Variants in SLC49A4 observed in about 807,000 individuals in gnomAD.
SLC49A4 encodes solute carrier family 49 member 4, also known as disrupted in renal cancer protein 2.
SLC49A4 carries 36 observed loss-of-function variants against 50.6 expected under a neutral mutation model. The ratio of observed to expected loss-of-function variants is 0.71; its 90% CI spans 0.55 to 0.94. The LOEUF (loss-of-function observed/expected upper bound fraction) is 0.94. Ranked by LOEUF, SLC49A4 falls within the 40% of genes least tolerant of loss-of-function variation. SLC49A4 has a pLI of 0.00. For missense variants in SLC49A4, 503 were observed against 605.7 expected (o/e 0.83, Z 1.78); for synonymous variants, 248 against 241.2 (o/e 1.03, Z -0.26).
chr3:122,838,102 T>G (rs1030652148), intron 4 of SLC49A4, among the ~76,000 whole-genome samples: 1 of 151,872 alleles, frequency 6.6e-6, no homozygotes, highest in African/African-American at 2.4e-5. Context: ...ACTTTTACAC[T>G]GTTGGTGGGA....
intron 8 of SLC49A4, among the ~76,000 whole-genome samples, chr3:122,876,942 C>T (rs1937274804): frequency 6.6e-6 from 1 of 152,124 alleles, no homozygotes; most frequent in South Asian, 2.1e-4. Context: ...AAGTATGGGG[C>T]AGACTGTAGG....
At chr3:122,821,763 T>C (rs1336561719) in intron 2 of SLC49A4, among the ~76,000 whole-genome samples, 1 of 152,238 alleles carries the variant, frequency 6.6e-6, no homozygotes, top group Non-Finnish European at 1.5e-5. Flanking sequence ...GCCTTGCTTT[T>C]AAAACACCCT....
chr3:122,798,349 C>A (rs1229662068), intron 1 of SLC49A4, among the ~76,000 whole-genome samples: 1 of 152,118 alleles, frequency 6.6e-6, no homozygotes, highest in East Asian at 1.9e-4. Flanking sequence ...TACCTACTAT[C>A]CATGGCAGGA....
At chr3:122,878,641 T>C (rs1023688465) in intron 8 of SLC49A4, among the ~76,000 whole-genome samples, 1 of 152,232 alleles carries the variant, frequency 6.6e-6, no homozygotes, top group Non-Finnish European at 1.5e-5. Flanking sequence ...TGGCATCATA[T>C]ATAACCATTC....
chr3:122,818,006 T>C lies in SLC49A4; in HGVS notation c.438-8794T>C, dbSNP rs1160063801. On this transcript the variant is annotated intron_variant, in intron 2 of 8. Transcript: ENST00000261038. ...CCTCCTGAAAAACAGTTTGCGAGTATATTTCCTAAGATCTAGAGTGTTCAC... is the reference window on the plus strand; with the variant it reads ...CCTCCTGAAAAACAGTTTGCGAGTACATTTCCTAAGATCTAGAGTGTTCAC... Among the ~76,000 whole-genome samples the C allele has an allele frequency of 2.6e-5, 4 of 152,240 alleles. No individual in the cohort carries two copies. The East Asian group carries it at 5.8e-4, about 22-fold the overall frequency.
intron 2 of SLC49A4, among the ~76,000 whole-genome samples, chr3:122,819,243 C>CAAA (rs777101254): frequency 2.4e-4 from 24 of 100,504 alleles, no homozygotes; most frequent in South Asian, 6.9e-4. Flanking sequence ...GACCCTGCCT[C>CAAA]AAAAAAAAAA....
intron 3 of SLC49A4, among the ~76,000 whole-genome samples, chr3:122,832,067 G>A (rs1224969540): frequency 6.6e-6 from 1 of 151,982 alleles, no homozygotes; most frequent in East Asian, 1.9e-4. Flanking sequence ...AATTATCTGT[G>A]GTTAATTGTC....
chr3:122,807,439 T>G (rs1576291193), intron 2 of SLC49A4, among the ~76,000 whole-genome samples: 1 of 152,070 alleles, frequency 6.6e-6, no homozygotes, highest in Non-Finnish European at 1.5e-5. Flanking sequence ...TGGAGGCAGG[T>G]AAGCATAGGC....
intron 4 of SLC49A4, among the ~76,000 whole-genome samples, chr3:122,833,955 A>G (rs1260687433): frequency 6.6e-6 from 1 of 152,162 alleles, no homozygotes; most frequent in Non-Finnish European, 1.5e-5. Context: ...ACTTTAAGAA[A>G]CCAAATATAT....
chr3:122,837,648 T>C (rs975069765), intron 4 of SLC49A4, among the ~76,000 whole-genome samples: 2 of 152,192 alleles, frequency 1.3e-5, no homozygotes, highest in African/African-American at 4.8e-5. Context: ...GACATAGGCA[T>C]GGGCAAGGAC....
intron 7 of SLC49A4, among the ~76,000 whole-genome samples, chr3:122,867,159 A>C (rs533774571): frequency 6.6e-6 from 1 of 152,182 alleles, no homozygotes; most frequent in Non-Finnish European, 1.5e-5. Flanking sequence ...AATGTGATTA[A>C]AATTCATCTT....
At chr3:122,851,104 T>C (rs374227849) in intron 5 of SLC49A4, among the ~76,000 whole-genome samples, 14 of 152,348 alleles carry the variant, frequency 9.2e-5, no homozygotes, top group African/African-American at 3.4e-4. Flanking sequence ...TTTAACTTCA[T>C]TTAACCCTCT....
chr3:122,833,426 A>G lies in SLC49A4; in HGVS notation c.813A>G (p.Arg271=), dbSNP rs1936634595. The G allele has an allele frequency of 6.2e-7, 1 of 1,613,318 alleles. No individual in the cohort carries two copies. ...AAASQRLSYR[R]SVCRLLSNFR... is the part of the protein sequence containing the mutation. ...CTAGCCAGCGGCTGAGTTATCGGAGAAGCGTTTGTAGATTATTAAGGTAAA... is the reference window on the plus strand; with the variant it reads ...CTAGCCAGCGGCTGAGTTATCGGAGGAGCGTTTGTAGATTATTAAGGTAAA... Residue 271 remains arginine, a synonymous_variant, in exon 4 of 9, where the codon AGA becomes AGG. Coordinates refer to ENST00000261038, the MANE Select transcript of SLC49A4 (RefSeq NM_032839.3).
intron 7 of SLC49A4, among the ~76,000 whole-genome samples, chr3:122,866,712 C>A (rs1053261992): frequency 1.3e-5 from 2 of 152,120 alleles, no homozygotes; most frequent in African/African-American, 2.4e-5. Context: ...ACCATCCCCC[C>A]CTGCCCCCGA....
chr3:122,862,176 TA>T (rs967672474), intron 7 of SLC49A4, among the ~76,000 whole-genome samples: 4 of 152,238 alleles, frequency 2.6e-5, no homozygotes, highest in African/African-American at 9.6e-5. Context: ...TTATGAGTAT[TA>T]TTTTTTTAAT....
chr3:122,849,934 T>C (rs1936903081), intron 5 of SLC49A4, among the ~76,000 whole-genome samples: 1 of 152,130 alleles, frequency 6.6e-6, no homozygotes, highest in Non-Finnish European at 1.5e-5. Context: ...CCCAATGTTT[T>C]CTTTTAGTAG....
chr3:122,861,434 T>G (rs1357811498), intron 7 of SLC49A4, among the ~76,000 whole-genome samples: 1 of 152,216 alleles, frequency 6.6e-6, no homozygotes, highest in Non-Finnish European at 1.5e-5. Context: ...TCAGCCACCT[T>G]TTGCATTATA....
intron 5 of SLC49A4, among the ~76,000 whole-genome samples, chr3:122,852,012 G>A (rs1002581094): frequency 2.5e-5 from 1 of 39,322 alleles, no homozygotes; most frequent in African/African-American, 9.5e-5. Flanking sequence ...TTTTTTTTTT[G>A]AGATGGAGTC....
At chr3:122,823,222 C>G (rs1260178540) in intron 2 of SLC49A4, among the ~76,000 whole-genome samples, 2 of 152,256 alleles carry the variant, frequency 1.3e-5, no homozygotes, top group Non-Finnish European at 2.9e-5. Flanking sequence ...GAGTAGGCTG[C>G]ATCCCTGCTG....
Sources: allele counts gnomAD v4.1 joint callset (sites outside exome capture counted in the v4.1 genomes callset), GRCh38; gene constraint gnomAD v4.1.1; transcripts MANE v1.5; gene names NCBI Gene and HGNC (gene_info 2026-07-23, HGNC 2026-07-21).